Variants in PIGX observed in about 807,000 individuals in gnomAD.
PIGX encodes phosphatidylinositol glycan anchor biosynthesis class X.
PIGX carries 24 observed loss-of-function variants against 28.7 expected under a neutral mutation model. The ratio of observed to expected loss-of-function variants is 0.84; its 90% CI spans 0.60 to 1.17. PIGX has a LOEUF of 1.17. Ranked by LOEUF, PIGX falls within the 50% of genes most tolerant of loss-of-function variation. PIGX has a pLI of 0.00. For missense variants in PIGX, 305 were observed against 317.8 expected (o/e 0.96, Z 0.31); for synonymous variants, 127 against 121.0 (o/e 1.05, Z -0.33).
chr3:196,718,151 A>C (rs2108677999), intron 2 of PIGX, among the ~76,000 whole-genome samples: 1 of 152,278 alleles, frequency 6.6e-6, no homozygotes, highest in African/African-American at 2.4e-5. Context: ...TCTACTAAAA[A>C]TACAAAACAT....
rs1711858278 is a variant in PIGX, at chr3:196,712,493, G to C, written c.-40G>C. 8.9e-6 allele frequency: 9 copies of C among 1,008,210 alleles called. No homozygotes were observed. The African/African-American group carries it at 1.5e-4, about 17-fold the overall frequency. The allele number at this position is 1,008,210 out of a possible 1,614,324, so 62.5% of individuals were successfully genotyped here. On this transcript the variant is annotated 5_prime_UTR_variant, in exon 1 of 6. Coordinates refer to ENST00000392391, the MANE Select transcript of PIGX (RefSeq NM_017861.4). ...CAGGCCCCTTCCTGCGTCCGCACCT[G>C]GCCCCGCGCGCCCCTCTCGGGCGTC...
At chr3:196,723,895 T>A in intron 3 of PIGX, among the ~76,000 whole-genome samples, 1 of 152,012 alleles carries the variant, frequency 6.6e-6, no homozygotes, top group East Asian at 1.9e-4. Context: ...TATAAAAAGG[T>A]ATGCAATGAT....
chr3:196,714,499 C>T (rs1407831006), intron 1 of PIGX, among the ~76,000 whole-genome samples: 3 of 146,306 alleles, frequency 2.1e-5, no homozygotes, highest in African/African-American at 7.6e-5. Context: ...GAGTCTTGCT[C>T]TCTTGCCAGG....
At chr3:196,722,752 T>C (rs1712370703) in intron 3 of PIGX, among the ~76,000 whole-genome samples, 196 bp downstream of exon 3, 1 of 152,224 alleles carries the variant, frequency 6.6e-6, no homozygotes, top group South Asian at 2.1e-4. Context: ...GCTAGTTAAA[T>C]GCTTTTTAAG....
At position 196,733,303 on chromosome 3, in the gene PIGX, C is replaced by T. The variant is rs1375828125; in HGVS notation, c.634-456C>T. 6.6e-6 allele frequency among the ~76,000 whole-genome samples: 1 copy of T among 152,074 alleles called. No homozygotes were observed. Among genetic ancestry groups the T allele is most frequent in the Non-Finnish European group, 1.5e-5 (1 of 68,014 alleles). On this transcript the variant is annotated intron_variant, in intron 5 of 5. Coordinates refer to ENST00000392391, the MANE Select transcript of PIGX (RefSeq NM_017861.4). The surrounding 1 kb of genome is among the most constrained non-coding windows in gnomAD (Gnocchi z 4.3). ...ACCAATAATATTACATGTAGTGTAG[C>T]ACTGGCTGAAATATATTTAAAAGAA...
At chr3:196,732,266 A>AT (rs1441067545) in intron 5 of PIGX, among the ~76,000 whole-genome samples, 2 of 40,916 alleles carry the variant, frequency 4.9e-5, no homozygotes, top group African/African-American at 1.1e-4. Context: ...ATTTTATTTT[A>AT]TTTTATTTTT....
At chr3:196,714,026 C>T (rs1436215455) in intron 1 of PIGX, among the ~76,000 whole-genome samples, 1 of 152,078 alleles carries the variant, frequency 6.6e-6, no homozygotes, top group Non-Finnish European at 1.5e-5. Context: ...AGCCTTTCTC[C>T]GGTCCCAATG....
At chr3:196,713,367 C>T (rs140995572) in intron 1 of PIGX, among the ~76,000 whole-genome samples, 1,580 of 151,710 alleles carry the variant, frequency 0.01, 9 homozygotes, top group Non-Finnish European at 0.016. Context: ...ATGGCGCGAT[C>T]TCGGCTCACT....
At chr3:196,728,447 T>C in intron 4 of PIGX, 1 of 591,726 alleles carries the variant, frequency 1.7e-6, no homozygotes. Context: ...AAATACTTCC[T>C]TATGTTTCTT....
At chr3:196,712,671 A>C (rs1711873746) in intron 1 of PIGX, 27 bp downstream of exon 1, 1 of 1,178,476 alleles carries the variant, frequency 8.5e-7, no homozygotes, top group Non-Finnish European at 1.0e-6. Context: ...TTGGGGGGCC[A>C]GAGCGTGGGA....
At chr3:196,716,777 AAAAT>A in intron 1 of PIGX, 77 bp from the exon 2 acceptor site, 1 of 661,560 alleles carries the variant, frequency 1.5e-6, no homozygotes, top group Non-Finnish European at 2.3e-6. Flanking sequence ...AAAGCCTACT[AAAAT>A]AACTCTTTTA....
intron 3 of PIGX, among the ~76,000 whole-genome samples, chr3:196,723,284 T>A (rs768176411): frequency 1.8e-4 from 28 of 152,162 alleles, no homozygotes; most frequent in Non-Finnish European, 3.2e-4. Flanking sequence ...GAGGTTGCAG[T>A]GAGCCGAGAT....
rs1041479602 is a variant in PIGX, at chr3:196,712,538, G to A, written c.6G>A (p.Ala2=). The A allele has an allele frequency of 6.8e-6, 8 of 1,170,614 alleles. No homozygotes were observed. In the African/African-American group the frequency reaches 8.1e-5, roughly 12 times the overall value. The allele number at this position is 1,170,614 out of a possible 1,614,324, so 72.5% of individuals were successfully genotyped here. A position where few individuals can be genotyped will look rare whatever the true frequency, so the allele number is the denominator to read the frequency against. The change falls in exon 1 of 6, where the codon GCG becomes GCA. Residue 2 remains alanine, a synonymous_variant. Coordinates refer to ENST00000392391, the MANE Select transcript of PIGX (RefSeq NM_017861.4). ...GGCGTCCGGCTTCCGGCGTCCTGGC[G>A]GCTCGGGTGGCGGCGGTTCGGGCGG...
chr3:196,712,794 C>T (rs888254680), intron 1 of PIGX, 150 bp downstream of exon 1: 1 of 1,107,986 alleles, frequency 9.0e-7, no homozygotes, highest in South Asian at 4.5e-5. Flanking sequence ...CGTGTGCCCT[C>T]CTTCCCTCCC....
At chr3:196,715,735 A>G (rs1712071027) in intron 1 of PIGX, among the ~76,000 whole-genome samples, 1 of 152,178 alleles carries the variant, frequency 6.6e-6, no homozygotes, top group African/African-American at 2.4e-5. Flanking sequence ...CCCAGGCTGG[A>G]GTGCAGTGGT....
At position 196,731,183 on chromosome 3, in the gene PIGX, T is replaced by TTTA. The variant is rs1214644315; in HGVS notation, c.633+93_633+94insATT. The TTTA allele has an allele frequency of 1.6e-5, 6 of 363,906 alleles. No individual in the cohort carries two copies. In the East Asian group the frequency reaches 4.0e-4, roughly 24 times the overall value. The allele number at this position is 363,906 out of a possible 1,614,324, so 22.5% of individuals were successfully genotyped here. A position where few individuals can be genotyped will look rare whatever the true frequency, so the allele number is the denominator to read the frequency against. On this transcript the variant is annotated intron_variant, in intron 5 of 5. Coordinates refer to ENST00000392391, the MANE Select transcript of PIGX (RefSeq NM_017861.4). ...CCTGCCACATTTAAGAGATTAGCAT[T>TTTA]TTTTTTTTTTTTTAGGCGGAGTCTC...
At chr3:196,723,069 C>T (rs1488683157) in intron 3 of PIGX, among the ~76,000 whole-genome samples, 1 of 152,196 alleles carries the variant, frequency 6.6e-6, no homozygotes, top group African/African-American at 2.4e-5. Flanking sequence ...GGGCTGGGTG[C>T]AGCGTCTTAC....
At chr3:196,715,798 C>G (rs929130587) in intron 1 of PIGX, among the ~76,000 whole-genome samples, 1 of 152,022 alleles carries the variant, frequency 6.6e-6, no homozygotes, top group African/African-American at 2.4e-5. Flanking sequence ...AAGCCATGCT[C>G]CCACCTCAGC....
At chr3:196,718,667 GC>G (rs1286789937) in intron 2 of PIGX, among the ~76,000 whole-genome samples, 1 of 152,144 alleles carries the variant, frequency 6.6e-6, no homozygotes, top group Non-Finnish European at 1.5e-5. Flanking sequence ...AAGGCTACTG[GC>G]CCATGACTCT....
Sources: allele counts gnomAD v4.1 joint callset (sites outside exome capture counted in the v4.1 genomes callset), GRCh38; gene constraint gnomAD v4.1.1; non-coding constraint Gnocchi (gnomAD v3.1); transcripts MANE v1.5; gene names NCBI Gene and HGNC (gene_info 2026-07-23, HGNC 2026-07-21).